MOK: variants seen among roughly 807,000 people sequenced by gnomAD.
MOK encodes MAPK/MAK/MRK overlapping kinase.
In MOK, 59 loss-of-function variants were observed where a neutral mutation model predicts 54.2. That is an observed-to-expected ratio of 1.09 (90% CI 0.88 to 1.35). The LOEUF is 1.35. Ranked by LOEUF, MOK falls within the 40% of genes most tolerant of loss-of-function variation. MOK has a pLI of 0.00. For missense variants in MOK, 517 were observed against 526.2 expected, an observed-to-expected ratio of 0.98 and a Z score of 0.17; for synonymous variants, 210 against 202.7, an observed-to-expected ratio of 1.04 and a Z score of -0.31.
intron 2 of MOK, among the ~76,000 whole-genome samples, chr14:102,268,050 G>A (rs140382562): frequency 0.01 from 1,580 of 152,164 alleles, 28 homozygotes; most frequent in African/African-American, 0.035. Flanking sequence ...CAAGCTAGCA[G>A]TAGTTCCAAT....
rs137907372 is a variant in MOK at position 102,272,891 on chromosome 14, G to A, written c.123-6979C>T. Among the ~76,000 whole-genome samples the A allele has an allele frequency of 6.3e-3, 953 of 152,322 alleles. 11 individuals carry two copies. Among genetic ancestry groups the A allele is most frequent in the Admixed American group, 0.016 (245 of 15,300 alleles). On this transcript the variant is annotated intron_variant, in intron 2 of 11. Transcript: ENST00000361847. ...GGAAAGGCTAGAAAAAAAGTCATGG[G>A]CCGGGCACAGTGGCTCACGCCTGTA...
chr14:102,280,106 C>G (rs1226301549), intron 2 of MOK, among the ~76,000 whole-genome samples: 3 of 151,854 alleles, frequency 2.0e-5, no homozygotes, highest in Non-Finnish European at 4.4e-5. Flanking sequence ...GTGCGGTTAC[C>G]TAACGGACAT....
rs201589177 is a variant in MOK at position 102,231,826 on chromosome 14, G to A, written c.867-5C>T. The A allele has an allele frequency of 1.0e-4, 162 of 1,609,974 alleles. No individual in the cohort carries two copies. The highest frequency in any genetic ancestry group is 3.2e-4 in the African/African-American group (24 of 74,982). ...AGAGCCCGCTTCTCTGTTTTCCTACGGGGAAGGAGAAGAGAATGGAGCAGC... is the reference window on the plus strand; with the variant it reads ...AGAGCCCGCTTCTCTGTTTTCCTACAGGGAAGGAGAAGAGAATGGAGCAGC... On this transcript the variant is annotated splice_polypyrimidine_tract_variant and splice_region_variant and intron_variant, in intron 9 of 11. Coordinates refer to ENST00000361847, the MANE Select transcript of MOK (RefSeq NM_014226.3). This position sits in a 1 kb window ranked among gnomAD's most constrained non-coding sequence, Gnocchi z 4.4.
the MOK span, among the ~76,000 whole-genome samples, chr14:102,216,150 G>T: frequency 6.6e-6 from 1 of 152,166 alleles, no homozygotes; most frequent in East Asian, 1.9e-4. Context: ...GGAGTGCGGG[G>T]TCAGCAGAGC....
intron 1 of MOK, among the ~76,000 whole-genome samples, chr14:102,297,302 G>C (rs950599763): frequency 6.6e-6 from 1 of 152,028 alleles, no homozygotes; most frequent in Non-Finnish European, 1.5e-5. Context: ...AGCTCACAGT[G>C]AGCCAAGATT....
chr14:102,217,963 C>T, the MOK span, among the ~76,000 whole-genome samples: 28 of 152,334 alleles, frequency 1.8e-4, no homozygotes, highest in Admixed American at 5.2e-4. Flanking sequence ...TCAGGGGCTA[C>T]GTGCAGGGCC....
chr14:102,222,199 C>T (rs992289125), downstream of MOK, among the ~76,000 whole-genome samples: 2 of 152,124 alleles, frequency 1.3e-5, no homozygotes, highest in Admixed American at 6.6e-5. This position sits in a 1 kb window ranked among gnomAD's most constrained non-coding sequence, Gnocchi z 4.4. Flanking sequence ...CCCTTCTCCA[C>T]ACCCAGCTGC....
At chr14:102,233,450 A>C (rs1041724376) in intron 8 of MOK, 1 of 497,300 alleles carries the variant, frequency 2.0e-6, no homozygotes, top group African/African-American at 1.9e-5. Context: ...CCCAGCCCTC[A>C]GAAAGCCTGT....
At chr14:102,237,146 C>A (rs2065294450) in intron 7 of MOK, among the ~76,000 whole-genome samples, 1 of 152,216 alleles carries the variant, frequency 6.6e-6, no homozygotes. Context: ...TCCCTCAAGG[C>A]TTCAGAGATA....
At chr14:102,222,919 TGGACTCGAG>T, downstream of MOK, 1 of 1,613,188 alleles carries the variant, frequency 6.2e-7, no homozygotes, top group Non-Finnish European at 8.5e-7. The surrounding 1 kb of genome is among the most constrained non-coding windows in gnomAD (Gnocchi z 4.4). Flanking sequence ...TCCCGGGACT[TGGACTCGAG>T]GGAGTGACGA....
Position 102,250,977 on chromosome 14 carries a change from T to C in MOK, c.425A>G (p.Lys142Arg), listed in dbSNP as rs534955495. ...ENILIKQDVL[K>R]LGDFGSCRSV... ...CCGGCAGGAGCCAAAGTCCCCTAAT[T>C]TCAGGACATCCTGCTGGAAGGGGAA... The change falls in exon 7 of 12, where the codon AAA (lysine) becomes AGA (arginine). Residue 142 changes from lysine (K) to arginine (R), a missense_variant. Lys to Arg is a conservative substitution (Grantham distance 26). Coordinates refer to ENST00000361847, the MANE Select transcript of MOK (RefSeq NM_014226.3). The C allele has an allele frequency of 6.2e-7, 1 of 1,613,930 alleles. No individual in the cohort carries two copies. The highest frequency in any genetic ancestry group is 2.2e-5 in the East Asian group (1 of 44,864).
At chr14:102,217,986 C>T in the MOK span, among the ~76,000 whole-genome samples, 1 of 152,262 alleles carries the variant, frequency 6.6e-6, no homozygotes, top group African/African-American at 2.4e-5. Flanking sequence ...GGCTGGCCTT[C>T]TCCCTCTGGG....
intron 2 of MOK, among the ~76,000 whole-genome samples, chr14:102,266,196 T>C (rs1354970845): frequency 2.0e-5 from 3 of 152,194 alleles, no homozygotes; most frequent in African/African-American, 7.2e-5. Flanking sequence ...AAAGTAGACA[T>C]TAAAACTTAT....
downstream of MOK, chr14:102,225,085 A>G (rs1191500957): frequency 6.6e-6 from 2 of 304,814 alleles, no homozygotes; most frequent in African/African-American, 4.5e-5. Flanking sequence ...TGTTTAAGAC[A>G]GAGTCTTACC....
At chr14:102,291,437 C>A (rs1039225586) in intron 1 of MOK, among the ~76,000 whole-genome samples, 3 of 152,164 alleles carry the variant, frequency 2.0e-5, no homozygotes, top group African/African-American at 7.2e-5. Flanking sequence ...TGGGAAAATT[C>A]AACAGCCTAA....
At chr14:102,261,295 T>C (rs1406957370) in intron 4 of MOK, among the ~76,000 whole-genome samples, 1 of 136,500 alleles carries the variant, frequency 7.3e-6, no homozygotes, top group Non-Finnish European at 1.5e-5. Context: ...AGCACATGCC[T>C]GTAGTCCCAG....
At position 102,236,622 on chromosome 14, in the gene MOK, C is replaced by T. The variant is rs1435689025; in HGVS notation, c.591-2833G>A. On this transcript the variant is annotated intron_variant, in intron 7 of 11. Transcript: ENST00000361847. The surrounding 1 kb of genome is among the most constrained non-coding windows in gnomAD (Gnocchi z 4.5). ...CTACTCCTCTATGCGAGTCCAGCCC[C>T]TGACCCCTCTCCCCAGTACCCACTT... 3.3e-5 allele frequency among the ~76,000 whole-genome samples: 5 copies of T among 152,146 alleles called. No homozygotes were observed. In the East Asian group the frequency reaches 9.6e-4, roughly 29 times the overall value.
At chr14:102,299,235 C>T (rs531449682) in intron 1 of MOK, among the ~76,000 whole-genome samples, 11 of 152,240 alleles carry the variant, frequency 7.2e-5, no homozygotes, top group South Asian at 4.1e-4. Context: ...CTCTCTGGGC[C>T]GGACGCAGTG....
At chr14:102,216,183 C>T in the MOK span, among the ~76,000 whole-genome samples, 2 of 152,210 alleles carry the variant, frequency 1.3e-5, no homozygotes, top group African/African-American at 4.8e-5. Context: ...ACTATCTGCA[C>T]TTTTTGTCTT....
Sources: gnomAD v4.1 joint callset for allele counts (sites outside exome capture counted in the v4.1 genomes callset) on GRCh38, gnomAD v4.1.1 for gene constraint, Gnocchi (gnomAD v3.1) non-coding constraint, MANE v1.5 for transcripts, NCBI Gene and HGNC (gene_info 2026-07-23, HGNC 2026-07-21) for gene names.